KLHL23: variants seen among roughly 807,000 people sequenced by gnomAD.
The protein encoded by KLHL23 is kelch-like protein 23.
A neutral mutation model predicts 48.9 loss-of-function variants in KLHL23; 33 were observed. The observed-to-expected ratio is 0.67, with a 90% CI of 0.51 to 0.90. The LOEUF (loss-of-function observed/expected upper bound fraction) is 0.90, where lower values mean the gene tolerates loss of function less well. KLHL23 is among the 40% of genes least tolerant of loss of function. The pLI, the probability that KLHL23 is intolerant of heterozygous loss-of-function variation, is 0.00. For synonymous variants in KLHL23, 234 were observed against 231.6 expected (o/e 1.01, Z -0.09); for missense variants, 608 against 669.6 (o/e 0.91, Z 1.02).
At position 169,735,692 on chromosome 2, in the gene KLHL23, C is replaced by T; in HGVS notation, c.678C>T (p.Ile226=). 6.2e-7 allele frequency: 1 copy of T among 1,613,936 alleles called. No individual in the cohort carries two copies. The highest frequency in any genetic ancestry group is 1.1e-5 in the South Asian group (1 of 91,064). ...GCCTCTATAATCTACTGAGCTATAT[C>T]AACATTGATATAGATCCAGTGTACT... ...IECLYNLLSY[I]NIDIDPVYLK... Residue 226 remains isoleucine, a synonymous_variant, in exon 2 of 4, where the codon ATC becomes ATT. Transcript: ENST00000392647. The surrounding 1 kb of genome is among the most constrained non-coding windows in gnomAD (Gnocchi z 4.5).
In KLHL23 at chr2:169,749,776, A is replaced by G. The variant is rs1262407478; in HGVS notation, c.*44A>G. 8 of 1,530,680 alleles carry G rather than the reference A, an allele frequency of 5.2e-6. No homozygotes were observed. The East Asian group carries it at 1.8e-4, about 35-fold the overall frequency. 94.8% of individuals were successfully genotyped at this position (1,530,680 alleles called of 1,614,324 possible). On this transcript the variant is annotated 3_prime_UTR_variant, in exon 4 of 4. Transcript: ENST00000392647. ...CCAAGCAATCACTTTTTTGGAGTAT[A>G]GTTTTATAAAAAAAGAATGCAGGGT...
In KLHL23 at chr2:169,751,703, A is replaced by G. The variant is rs1019509087; in HGVS notation, c.*1971A>G. The G allele has an allele frequency of 2.6e-5, 4 of 152,258 alleles. No individual in the cohort carries two copies. Among genetic ancestry groups the G allele is most frequent in the Admixed American group, 2.6e-4 (4 of 15,284 alleles). The allele number at this position is 152,258 out of a possible 1,614,324, so 9.4% of individuals were successfully genotyped here. ...GTTTGATATGGTAAGTAAAATGAGC[A>G]CAATACAAAATAGTATGCATACTAT... On this transcript the variant is annotated 3_prime_UTR_variant, in exon 4 of 4. Coordinates refer to ENST00000392647, the MANE Select transcript of KLHL23 (RefSeq NM_144711.6).
chr2:169,744,672 C>G (rs1688756289), intron 3 of KLHL23, among the ~76,000 whole-genome samples: 1 of 151,712 alleles, frequency 6.6e-6, no homozygotes, highest in Non-Finnish European at 1.5e-5. Context: ...TATTCTCCTG[C>G]CTCAACGTCC....
At chr2:169,734,426 GGGGCGCGCGGAAACCCCTGCGGC>G (rs925674232) in intron 1 of KLHL23, among the ~76,000 whole-genome samples, 1 of 150,690 alleles carries the variant, frequency 6.6e-6, no homozygotes, top group Non-Finnish European at 1.5e-5. Context: ...GCCCAGGCGC[GGGGCGCGCGGAAACCCCTGCGGC>G]GGGCGCGGGG....
chr2:169,750,651 C>G lies in KLHL23; in HGVS notation c.*919C>G, dbSNP rs1688952564. The G allele has an allele frequency of 6.6e-6, 1 of 152,122 alleles. No homozygotes were observed. Among genetic ancestry groups the G allele is most frequent in the Non-Finnish European group, 1.5e-5 (1 of 68,012 alleles). The allele number at this position is 152,122 out of a possible 1,614,324, so 9.4% of individuals were successfully genotyped here. A position where few individuals can be genotyped will look rare whatever the true frequency, so the allele number is the denominator to read the frequency against. On this transcript the variant is annotated 3_prime_UTR_variant, in exon 4 of 4. Coordinates refer to ENST00000392647, the MANE Select transcript of KLHL23 (RefSeq NM_144711.6). ...GTAATTTATTGTTACTCTCTATTTA[C>G]TGACTACCAGAGATATACAAAATAC...
In KLHL23 at chr2:169,749,375, T is replaced by G. The variant is rs745931493; in HGVS notation, c.1367-47T>G. ...TACCACACTGTGGAATCTCTTTTGT[T>G]TGTTATCCTTTAAAAAAATGCTGTT... On this transcript the variant is annotated intron_variant, in intron 3 of 3. Coordinates refer to ENST00000392647, the MANE Select transcript of KLHL23 (RefSeq NM_144711.6). 4 of 1,490,290 alleles carry G rather than the reference T, an allele frequency of 2.7e-6. No homozygotes were observed. The African/African-American group carries it at 4.2e-5, about 16-fold the overall frequency. 92.3% of individuals were successfully genotyped at this position (1,490,290 alleles called of 1,614,324 possible).
Position 169,749,591 on chromosome 2 carries a change from C to T in KLHL23, c.1536C>T (p.Val512=). The part of the protein sequence containing the change: ...GAVIMNGCIY[V]TGGYSYSKGT... ...TCATCATGAATGGATGTATTTATGT[C>T]ACTGGAGGATACTCCTACTCAAAGG... The change falls in exon 4 of 4, where the codon GTC becomes GTT. Residue 512 remains valine, a synonymous_variant. Coordinates refer to ENST00000392647, the MANE Select transcript of KLHL23 (RefSeq NM_144711.6). 3 of 1,613,954 alleles carry T rather than the reference C, an allele frequency of 1.9e-6. No homozygotes were observed. Among genetic ancestry groups the T allele is most frequent in the Non-Finnish European group, 2.5e-6 (3 of 1,180,002 alleles).
chr2:169,745,910 A>G (rs1027009422), intron 3 of KLHL23, among the ~76,000 whole-genome samples: 1 of 152,222 alleles, frequency 6.6e-6, no homozygotes, highest in East Asian at 1.9e-4. Context: ...GCAAAGGGAA[A>G]TGTGGGTTTG....
intron 3 of KLHL23, among the ~76,000 whole-genome samples, chr2:169,746,731 A>G (rs73008466): frequency 0.11 from 16,302 of 152,272 alleles, 902 homozygotes; most frequent in Middle Eastern, 0.18. Context: ...TTTTACTGCT[A>G]TAGGAAGACA....
At chr2:169,747,892 G>T (rs1221113062) in intron 3 of KLHL23, among the ~76,000 whole-genome samples, 2 of 152,080 alleles carry the variant, frequency 1.3e-5, no homozygotes, top group Non-Finnish European at 2.9e-5. Context: ...AGAGGCTGAG[G>T]CAGAGGAGGA....
intron 2 of KLHL23, among the ~76,000 whole-genome samples, chr2:169,739,166 T>C (rs1688613829): frequency 6.7e-6 from 1 of 150,214 alleles, no homozygotes; most frequent in Non-Finnish European, 1.5e-5. Context: ...TGCCTCTGCG[T>C]CAGTCAGTCA....
At chr2:169,736,860 C>CA (rs1558945665) in intron 2 of KLHL23, among the ~76,000 whole-genome samples, 1 of 152,200 alleles carries the variant, frequency 6.6e-6, no homozygotes, top group Non-Finnish European at 1.5e-5. Flanking sequence ...AGGAGTTGTA[C>CA]AAAAACAACT....
chr2:169,740,789 T>TATATATAA (rs1688659965), intron 2 of KLHL23, among the ~76,000 whole-genome samples: 1 of 144,772 alleles, frequency 6.9e-6, no homozygotes, highest in Non-Finnish European at 1.5e-5. Flanking sequence ...TATATATATA[T>TATATATAA]ATAACTTATT....
intron 3 of KLHL23, among the ~76,000 whole-genome samples, chr2:169,747,158 T>C (rs76765149): frequency 0.013 from 1,964 of 152,042 alleles, 49 homozygotes; most frequent in African/African-American, 0.044. Flanking sequence ...GTCCAGGAGT[T>C]CAAGACTAGC....
rs200527202 is a variant in KLHL23, at chr2:169,747,029, C to T, written c.1367-2393C>T. Among the ~76,000 whole-genome samples the T allele has an allele frequency of 2.1e-4, 32 of 152,010 alleles. No individual in the cohort carries two copies. The South Asian group carries it at 5.8e-3, about 28-fold the overall frequency. ...TAATTATTTTCTTGGATGTCAGTAA[C>T]GAGAAAAATATGTGGAAATGAAGCA... On this transcript the variant is annotated intron_variant, in intron 3 of 3. Coordinates refer to ENST00000392647, the MANE Select transcript of KLHL23 (RefSeq NM_144711.6).
At chr2:169,738,361 C>G (rs942837707) in intron 2 of KLHL23, among the ~76,000 whole-genome samples, 1 of 152,106 alleles carries the variant, frequency 6.6e-6, no homozygotes, top group African/African-American at 2.4e-5. Flanking sequence ...CCTACCTTGG[C>G]CTCCCAAAGT....
intron 3 of KLHL23, among the ~76,000 whole-genome samples, chr2:169,745,080 T>G (rs1276305353): frequency 6.6e-6 from 1 of 151,726 alleles, no homozygotes; most frequent in East Asian, 2.0e-4. Flanking sequence ...GCCTGGCTAA[T>G]TTTTGTATTT....
intron 2 of KLHL23, 46 bp from the exon 3 acceptor site, chr2:169,741,339 A>G (rs1574524623): frequency 1.3e-6 from 2 of 1,562,184 alleles, no homozygotes. Flanking sequence ...CACTGCAAAA[A>G]AGAACAAAAG....
Position 169,735,632 on chromosome 2 carries a change from G to A in KLHL23, c.618G>A (p.Lys206=), listed in dbSNP as rs1434209759. 1 of 1,613,924 alleles carries A rather than the reference G, an allele frequency of 6.2e-7. No individual in the cohort carries two copies. Among genetic ancestry groups the A allele is most frequent in the Non-Finnish European group, 8.5e-7 (1 of 1,180,038 alleles). ...AAGCTATCATAGAGCCAGTTATTAA[G>A]TGGACTGCTCATGATGTAGAAAATC... ...KEEAIIEPVI[K]WTAHDVENRI... is the part of the protein sequence containing the mutation. Residue 206 remains lysine, a synonymous_variant, in exon 2 of 4, where the codon AAG becomes AAA. Coordinates refer to ENST00000392647, the MANE Select transcript of KLHL23 (RefSeq NM_144711.6). This position sits in a 1 kb window ranked among gnomAD's most constrained non-coding sequence, Gnocchi z 4.5.
Sources: allele counts gnomAD v4.1 joint callset (sites outside exome capture counted in the v4.1 genomes callset), GRCh38; gene constraint gnomAD v4.1.1; non-coding constraint Gnocchi (gnomAD v3.1); transcripts MANE v1.5; gene names NCBI Gene and HGNC (gene_info 2026-07-23, HGNC 2026-07-21).